The following NKAIN2 variants were observed in gnomAD, a reference collection of about 807,000 sequenced individuals.
NKAIN2 encodes the protein sodium/potassium transporting ATPase interacting 2.
Under a neutral mutation model 32.6 loss-of-function variants are expected in NKAIN2, and 14 were observed. The observed-to-expected ratio is 0.43, with a 90% CI of 0.28 to 0.67. The LOEUF is 0.67. Ranked by LOEUF, NKAIN2 falls within the 30% of genes least tolerant of loss-of-function variation. The probability of loss-of-function intolerance (pLI) is 0.17; values close to 1 mark genes in which losing one functional copy is unlikely to be tolerated. For missense variants in NKAIN2, 198 were observed against 258.3 expected, an observed-to-expected ratio of 0.77 and a Z score of 1.60; for synonymous variants, 80 against 87.2, an observed-to-expected ratio of 0.92 and a Z score of 0.46.
At position 124,533,548 on chromosome 6, in the gene NKAIN2, T is replaced by A. The variant is rs1484686601; in HGVS notation, c.274-124638T>A. 2.0e-5 allele frequency among the ~76,000 whole-genome samples: 3 copies of A among 151,100 alleles called. No homozygotes were observed. In the South Asian group the frequency reaches 6.3e-4, roughly 32 times the overall value. On this transcript the variant is annotated intron_variant, in intron 3 of 6. Transcript: ENST00000368417. ...GGGGAGATGACGGGCAGGATTTATG[T>A]CCTCTTCCACCTCTCTGTCTATATG...
intron 4 of NKAIN2, among the ~76,000 whole-genome samples, chr6:124,744,577 G>A (rs902031672): frequency 6.6e-6 from 1 of 151,554 alleles, no homozygotes; most frequent in African/African-American, 2.4e-5. Context: ...TTATCCCCGT[G>A]TAGTGAACAC....
At chr6:124,462,766 A>T (rs991854662) in intron 3 of NKAIN2, among the ~76,000 whole-genome samples, 11 of 152,088 alleles carry the variant, frequency 7.2e-5, no homozygotes, top group Non-Finnish European at 1.5e-4. Context: ...CAACGTTTTT[A>T]TATGTACTTC....
intron 3 of NKAIN2, among the ~76,000 whole-genome samples, chr6:124,509,804 G>C (rs113572602): frequency 6.6e-6 from 1 of 152,178 alleles, no homozygotes; most frequent in Non-Finnish European, 1.5e-5. Context: ...ACAATTCTAA[G>C]AGGCAGCATA....
chr6:124,815,225 C>CATATATACATATAT (rs1554268822), intron 5 of NKAIN2, among the ~76,000 whole-genome samples: 2 of 136,998 alleles, frequency 1.5e-5, no homozygotes, highest in East Asian at 2.1e-4. Flanking sequence ...TATATATATA[C>CATATATACATATAT]ATATATATAT....
At chr6:123,890,832 T>C (rs1444922692) in intron 1 of NKAIN2, among the ~76,000 whole-genome samples, 1 of 152,120 alleles carries the variant, frequency 6.6e-6, no homozygotes, top group African/African-American at 2.4e-5. Flanking sequence ...CCCTTCTAGA[T>C]ATATACTTAT....
intron 1 of NKAIN2, among the ~76,000 whole-genome samples, chr6:124,054,256 G>A (rs1252807697): frequency 6.6e-6 from 1 of 152,032 alleles, no homozygotes; most frequent in Non-Finnish European, 1.5e-5. Flanking sequence ...ATCAAGTAAT[G>A]AGTTTCTGCT....
At chr6:124,558,496 T>C (rs891216104) in intron 3 of NKAIN2, among the ~76,000 whole-genome samples, 1 of 152,230 alleles carries the variant, frequency 6.6e-6, no homozygotes, top group Non-Finnish European at 1.5e-5. Context: ...AGGGTTTACT[T>C]TGATTGTAAT....
chr6:124,492,818 T>C (rs767602424), intron 3 of NKAIN2, among the ~76,000 whole-genome samples: 10 of 152,020 alleles, frequency 6.6e-5, no homozygotes, highest in Non-Finnish European at 1.3e-4. Flanking sequence ...ACTTCGAAGA[T>C]TAACTCAGAT....
intron 1 of NKAIN2, among the ~76,000 whole-genome samples, chr6:123,847,106 G>A (rs138868819): frequency 1.6e-3 from 249 of 152,304 alleles, no homozygotes; most frequent in Admixed American, 2.7e-3. Flanking sequence ...AAATCAGCCT[G>A]TGTCATCTGT....
At chr6:124,008,790 C>A (rs1780192140) in intron 1 of NKAIN2, among the ~76,000 whole-genome samples, 1 of 152,114 alleles carries the variant, frequency 6.6e-6, no homozygotes, top group Admixed American at 6.6e-5. Context: ...ATAAAACTGA[C>A]ACTTGACCAG....
intron 2 of NKAIN2, among the ~76,000 whole-genome samples, chr6:124,349,638 C>T (rs1798619668): frequency 6.6e-6 from 1 of 152,156 alleles, no homozygotes; most frequent in South Asian, 2.1e-4. Flanking sequence ...ATTCATGACT[C>T]ACCTCCTTTT....
intron 1 of NKAIN2, among the ~76,000 whole-genome samples, chr6:123,882,414 G>T (rs1773496071): frequency 6.6e-6 from 1 of 152,014 alleles, no homozygotes; most frequent in Non-Finnish European, 1.5e-5. Context: ...ATTTCATCTT[G>T]ATTTCCAATG....
intron 2 of NKAIN2, among the ~76,000 whole-genome samples, chr6:124,327,102 G>A (rs888190471): frequency 1.3e-5 from 2 of 151,198 alleles, no homozygotes; most frequent in African/African-American, 4.9e-5. Context: ...TTGCTTGGCT[G>A]TATTAGTGGT....
At chr6:124,381,890 T>C (rs1199617168) in intron 3 of NKAIN2, among the ~76,000 whole-genome samples, 1 of 152,196 alleles carries the variant, frequency 6.6e-6, no homozygotes, top group Non-Finnish European at 1.5e-5. Flanking sequence ...TGCTTTAGTA[T>C]GAAAGCACAC....
intron 1 of NKAIN2, among the ~76,000 whole-genome samples, chr6:123,974,983 AT>A (rs1342687703): frequency 6.6e-6 from 1 of 152,154 alleles, no homozygotes; most frequent in East Asian, 1.9e-4. Flanking sequence ...TAAAGAATTA[AT>A]TTTCTGGACC....
chr6:124,811,140 G>A (rs1320881218), intron 5 of NKAIN2, among the ~76,000 whole-genome samples: 1 of 152,118 alleles, frequency 6.6e-6, no homozygotes, highest in African/African-American at 2.4e-5. Flanking sequence ...ATGGAAAGAC[G>A]CTCTATTTTC....
chr6:124,107,922 A>G (rs772307371), intron 1 of NKAIN2, among the ~76,000 whole-genome samples: 1 of 152,072 alleles, frequency 6.6e-6, no homozygotes, highest in Non-Finnish European at 1.5e-5. Context: ...TTTCCTACTC[A>G]TCCATCAATG....
At chr6:124,753,461 C>G (rs1777819992) in intron 4 of NKAIN2, among the ~76,000 whole-genome samples, 1 of 152,090 alleles carries the variant, frequency 6.6e-6, no homozygotes, top group South Asian at 2.1e-4. Flanking sequence ...GCCATTTACA[C>G]TAAGATTCTT....
rs1923729 is a variant in NKAIN2 at position 124,823,202 on chromosome 6, A to G, written c.618-18A>G. On this transcript the variant is annotated intron_variant, in intron 6 of 6. Coordinates refer to ENST00000368417, the MANE Select transcript of NKAIN2 (RefSeq NM_001040214.3). ...GTCACTTTCCCCCTTGACTAAAAAC[A>G]TCTTTTCTCTCTCTCAGGTCAAAAT... is the stretch of plus-strand genomic sequence containing the variant. The G allele has an allele frequency of 8.0e-3, 12,441 of 1,563,564 alleles. 794 individuals are homozygous for G. In the African/African-American group the frequency reaches 0.14, roughly 18 times the overall value.
Sources: gnomAD v4.1 joint callset for allele counts (sites outside exome capture counted in the v4.1 genomes callset) on GRCh38, gnomAD v4.1.1 for gene constraint, MANE v1.5 for transcripts, NCBI Gene and HGNC (gene_info 2026-07-23, HGNC 2026-07-21) for gene names.